The following GNAQ variants were observed in gnomAD, a reference collection of about 807,000 sequenced individuals.
GNAQ encodes the protein G protein subunit alpha q.
A neutral mutation model predicts 43.9 loss-of-function variants in GNAQ; 8 were observed. That is an observed-to-expected ratio of 0.18 (90% CI 0.11 to 0.33). The LOEUF is 0.33. Among genes scored for constraint, GNAQ ranks in the 10% least tolerant of loss-of-function variants. The pLI is 1.00. For missense variants in GNAQ, 158 were observed against 450.8 expected (o/e 0.35, Z 5.88); for synonymous variants, 155 against 170.7 (o/e 0.91, Z 0.71).
intron 5 of GNAQ, among the ~76,000 whole-genome samples, chr9:77,753,107 GAAAA>G (rs1484570798): frequency 8.9e-5 from 12 of 134,812 alleles, no homozygotes; most frequent in Non-Finnish European, 1.4e-4. Flanking sequence ...AAAAAAAAAA[GAAAA>G]AGGAAAAAAA....
chr9:77,919,703 T>C (rs903555901), intron 2 of GNAQ, among the ~76,000 whole-genome samples: 1 of 152,130 alleles, frequency 6.6e-6, no homozygotes, highest in African/African-American at 2.4e-5. Context: ...CATGGGAAAC[T>C]GGGAGGTCAT....
intron 2 of GNAQ, among the ~76,000 whole-genome samples, chr9:77,905,192 ATATACT>A (rs1828684742): frequency 6.6e-6 from 1 of 152,240 alleles, no homozygotes; most frequent in South Asian, 2.1e-4. Flanking sequence ...GAGTTATCAG[ATATACT>A]TAAAAGATTC....
At chr9:78,001,004 A>C (rs1823636719) in intron 1 of GNAQ, among the ~76,000 whole-genome samples, 1 of 152,208 alleles carries the variant, frequency 6.6e-6, no homozygotes, top group Non-Finnish European at 1.5e-5. Context: ...GCAGCACGCA[A>C]ATCTGACAGA....
At chr9:77,722,790 G>A (rs1338788933) in intron 6 of GNAQ, among the ~76,000 whole-genome samples, 1 of 151,372 alleles carries the variant, frequency 6.6e-6, no homozygotes, top group East Asian at 2.0e-4. Context: ...CTGAATAGCT[G>A]AAACTATAGG....
At chr9:77,976,609 C>G (rs1439158690) in intron 1 of GNAQ, among the ~76,000 whole-genome samples, 1 of 152,136 alleles carries the variant, frequency 6.6e-6, no homozygotes, top group Non-Finnish European at 1.5e-5. Context: ...TCAGGCTGGT[C>G]TCAAACTCCT....
Position 78,031,038 on chromosome 9 carries a change from G to A in GNAQ, c.136+62C>T, listed in dbSNP as rs570152996. On this transcript the variant is annotated intron_variant, in intron 1 of 6. Coordinates refer to ENST00000286548, the MANE Select transcript of GNAQ (RefSeq NM_002072.5). ...CGGGGGCGCCGAAGGCAGCTGCCCC[G>A]CAGGGCCAAGGATGGTGGGCTGGGG... 57 of 1,224,228 alleles carry A rather than the reference G, an allele frequency of 4.7e-5. No homozygotes were observed. The Admixed American group carries it at 2.0e-3, about 44-fold the overall frequency. 75.8% of individuals were successfully genotyped at this position (1,224,228 alleles called of 1,614,324 possible).
At chr9:77,814,793 A>C (rs967113802) in intron 3 of GNAQ, among the ~76,000 whole-genome samples, 1 of 152,198 alleles carries the variant, frequency 6.6e-6, no homozygotes, top group Non-Finnish European at 1.5e-5. Flanking sequence ...GCCCAGATCC[A>C]AAACAAGAGG....
intron 5 of GNAQ, among the ~76,000 whole-genome samples, chr9:77,787,753 G>A (rs895984014): frequency 6.6e-6 from 1 of 152,226 alleles, no homozygotes. Flanking sequence ...CTGCTGGCCA[G>A]GCATGGTGGC....
rs538111550 is a variant in GNAQ, at chr9:77,813,166, C to T, written c.476+2450G>A. On this transcript the variant is annotated intron_variant, in intron 3 of 6. Transcript: ENST00000286548. Reference sequence around the variant, plus strand: ...CTCCTGACCTCAAGTGATCCACCCACCTCAGCCTCCCAAAGTGCTGGGATT... The same window carrying T: ...CTCCTGACCTCAAGTGATCCACCCATCTCAGCCTCCCAAAGTGCTGGGATT... Among the ~76,000 whole-genome samples the T allele has an allele frequency of 3.9e-5, 6 of 152,272 alleles. No homozygotes were observed. In the South Asian group the frequency reaches 1.2e-3, roughly 32 times the overall value.
chr9:77,764,037 G>C (rs1020957384), intron 5 of GNAQ, among the ~76,000 whole-genome samples: 6 of 152,148 alleles, frequency 3.9e-5, no homozygotes, highest in African/African-American at 1.4e-4. Context: ...TCAAAGCAGT[G>C]AGCTGGTACA....
chr9:77,730,034 C>T (rs1004082926), intron 5 of GNAQ, among the ~76,000 whole-genome samples: 14 of 152,300 alleles, frequency 9.2e-5, no homozygotes, highest in South Asian at 2.1e-4. Flanking sequence ...CTTTTAGCAG[C>T]CATCTTGAAA....
intron 1 of GNAQ, among the ~76,000 whole-genome samples, chr9:77,978,189 C>T (rs764416950): frequency 3.3e-5 from 5 of 152,138 alleles, no homozygotes; most frequent in Admixed American, 1.3e-4. Context: ...ATCAGCTTAA[C>T]GAAATGACAG....
chr9:77,786,033 C>T (rs977067548), intron 5 of GNAQ, among the ~76,000 whole-genome samples: 10 of 152,062 alleles, frequency 6.6e-5, no homozygotes, highest in African/African-American at 1.9e-4. Context: ...TATAATAAAA[C>T]TTGATACATG....
intron 2 of GNAQ, among the ~76,000 whole-genome samples, chr9:77,820,087 C>CAAAAAAAAAAAAAAAAAAAGAAAAAAAAG (rs1827088847): frequency 9.5e-6 from 1 of 104,992 alleles, no homozygotes; most frequent in African/African-American, 4.1e-5. Context: ...ATTTAAAATG[C>CAAAAAAAAAAAAAAAAAAAGAAAAAAAAG]AAAAAAAAAA....
At chr9:77,942,748 C>T (rs1214020219) in intron 1 of GNAQ, among the ~76,000 whole-genome samples, 1 of 152,186 alleles carries the variant, frequency 6.6e-6, no homozygotes, top group Non-Finnish European at 1.5e-5. Flanking sequence ...CAAATATCCA[C>T]ATGTAGAAAA....
At chr9:77,959,288 T>C (rs1036268731) in intron 1 of GNAQ, among the ~76,000 whole-genome samples, 6 of 152,220 alleles carry the variant, frequency 3.9e-5, no homozygotes, top group African/African-American at 1.4e-4. Context: ...TGATAAAATA[T>C]TTTCTTTTCT....
intron 2 of GNAQ, among the ~76,000 whole-genome samples, chr9:77,885,606 C>A (rs922397082): frequency 1.3e-5 from 2 of 152,066 alleles, no homozygotes; most frequent in Admixed American, 6.6e-5. Context: ...CAAAAACAAT[C>A]CTTTGCTTTT....
At chr9:77,781,050 T>C (rs1826386437) in intron 5 of GNAQ, among the ~76,000 whole-genome samples, 1 of 151,880 alleles carries the variant, frequency 6.6e-6, no homozygotes. Context: ...TTTTCTCCTA[T>C]CCAGTAGGTT....
chr9:77,975,493 T>C (rs1271334432), intron 1 of GNAQ, among the ~76,000 whole-genome samples: 1 of 151,658 alleles, frequency 6.6e-6, no homozygotes, highest in Admixed American at 6.6e-5. Flanking sequence ...CCATTGCTAG[T>C]ATCTCATTTC....
Sources: gnomAD v4.1 joint callset for allele counts (sites outside exome capture counted in the v4.1 genomes callset) on GRCh38, gnomAD v4.1.1 for gene constraint, MANE v1.5 for transcripts, NCBI Gene and HGNC (gene_info 2026-07-23, HGNC 2026-07-21) for gene names.